Variants in PCDH11X observed in about 807,000 individuals in gnomAD.
The protein encoded by PCDH11X is protocadherin-11 X-linked.
A neutral mutation model predicts 53.3 loss-of-function variants in PCDH11X; 18 were observed. The observed-to-expected ratio is 0.34, with a 90% CI of 0.23 to 0.50. The LOEUF (loss-of-function observed/expected upper bound fraction) is 0.50. Ranked by LOEUF, PCDH11X falls within the 20% of genes least tolerant of loss-of-function variation. PCDH11X has a pLI of 0.98. For missense variants in PCDH11X, 570 were observed against 1,032.4 expected (o/e 0.55, Z 6.14); for synonymous variants, 279 against 393.3 (o/e 0.71, Z 3.44).
In PCDH11X at chrX:92,622,439, G is replaced by A. The variant is rs1042073772; in HGVS notation, c.*3499G>A. Reference sequence around the variant, plus strand: ...TTTTTCATGGTATTACTGAAGGTGTGTATACTCCCTAATACACATTTATGA... The same window carrying A: ...TTTTTCATGGTATTACTGAAGGTGTATATACTCCCTAATACACATTTATGA... On this transcript the variant is annotated 3_prime_UTR_variant, in exon 11 of 11. Transcript: ENST00000682573. 32 of 110,646 alleles carry A rather than the reference G, an allele frequency of 2.9e-4. No homozygotes were observed. The highest frequency in any genetic ancestry group is 2.8e-3 in the Admixed American group (29 of 10,293). The allele number at this position is 110,646 out of a possible 1,213,427, so 9.1% of individuals were successfully genotyped here.
At chrX:92,573,876 C>T (rs1385801558) in intron 10 of PCDH11X, among the ~76,000 whole-genome samples, 1 of 109,842 alleles carries the variant, frequency 9.1e-6, no homozygotes, top group Non-Finnish European at 1.9e-5. Flanking sequence ...CCCTATTCCA[C>T]AGAGAAAACT....
At chrX:92,053,537 A>C (rs905745723) in intron 6 of PCDH11X, among the ~76,000 whole-genome samples, 6 of 104,817 alleles carry the variant, frequency 5.7e-5, no homozygotes, top group African/African-American at 2.1e-4. Context: ...AAATAAGGAA[A>C]ATAAAGAGCA....
At chrX:92,507,248 C>A (rs1220459117) in intron 10 of PCDH11X, among the ~76,000 whole-genome samples, 1 of 110,466 alleles carries the variant, frequency 9.1e-6, no homozygotes, top group Non-Finnish European at 1.9e-5. Context: ...TTTTAGTTAT[C>A]TTTTGTCTTC....
chrX:92,231,327 G>T (rs1026534044), intron 7 of PCDH11X, among the ~76,000 whole-genome samples: 5 of 111,423 alleles, frequency 4.5e-5, no homozygotes, highest in African/African-American at 1.6e-4. Context: ...AAAAACTTCA[G>T]CCATTTAAAA....
chrX:92,140,916 T>A (rs970952466), intron 6 of PCDH11X, among the ~76,000 whole-genome samples: 1 of 111,839 alleles, frequency 8.9e-6, no homozygotes, highest in Non-Finnish European at 1.9e-5. Flanking sequence ...TAGTTACAGA[T>A]AAAAGTTGAC....
intron 4 of PCDH11X, among the ~76,000 whole-genome samples, chrX:91,819,647 C>CT (rs770373562): frequency 1.1e-3 from 117 of 105,206 alleles, no homozygotes; most frequent in East Asian, 7.5e-3. Flanking sequence ...TTTTTCCTTT[C>CT]TTTTTTTTAT....
chrX:91,917,451 G>A (rs1177467910), intron 6 of PCDH11X, among the ~76,000 whole-genome samples: 3 of 91,769 alleles, frequency 3.3e-5, no homozygotes, highest in African/African-American at 7.8e-5. Context: ...TTTTATAAAC[G>A]AATTCAGTAA....
At chrX:91,897,243 T>C (rs1288456301) in intron 6 of PCDH11X, among the ~76,000 whole-genome samples, 1 of 93,902 alleles carries the variant, frequency 1.1e-5, no homozygotes. Flanking sequence ...TCTGCAGATA[T>C]TGTGTTGCAA....
chrX:91,925,121 G>C (rs1346456128), intron 6 of PCDH11X, among the ~76,000 whole-genome samples: 1 of 110,261 alleles, frequency 9.1e-6, no homozygotes, highest in Non-Finnish European at 1.9e-5. Flanking sequence ...TAAACCCACA[G>C]TAAATTAAAA....
chrX:92,387,509 C>G (rs2071035071), intron 8 of PCDH11X: 1 of 333,421 alleles, frequency 3.0e-6, no homozygotes, highest in South Asian at 1.5e-4. Flanking sequence ...CATTCTGCAT[C>G]TGGCTGTGCC....
chrX:92,312,234 CT>C (rs2148482765), intron 8 of PCDH11X, among the ~76,000 whole-genome samples: 1 of 110,628 alleles, frequency 9.0e-6, no homozygotes, highest in East Asian at 2.8e-4. Flanking sequence ...AGTTGATTAC[CT>C]TTTAAAAATG....
At chrX:91,845,025 G>A (rs2524464) in intron 5 of PCDH11X, among the ~76,000 whole-genome samples, 2 of 111,643 alleles carry the variant, frequency 1.8e-5, no homozygotes, top group African/African-American at 3.2e-5. Context: ...AGAAGTTTAA[G>A]ACTTTATGGA....
chrX:91,931,225 G>T (rs1158120572), intron 6 of PCDH11X, among the ~76,000 whole-genome samples: 1 of 109,648 alleles, frequency 9.1e-6, no homozygotes, highest in Non-Finnish European at 1.9e-5. Context: ...TGACTTGAAA[G>T]AAAACCTTTT....
At chrX:92,120,755 T>C (rs1474458301) in intron 6 of PCDH11X, among the ~76,000 whole-genome samples, 1 of 111,905 alleles carries the variant, frequency 8.9e-6, no homozygotes, top group Non-Finnish European at 1.9e-5. Context: ...ACTGCAATAG[T>C]AGCTGACAGT....
chrX:91,805,481 T>C (rs1409976941), intron 1 of PCDH11X, among the ~76,000 whole-genome samples: 1 of 111,059 alleles, frequency 9.0e-6, no homozygotes. Flanking sequence ...TTCACAATAG[T>C]GTTTACCAGT....
intron 9 of PCDH11X, among the ~76,000 whole-genome samples, chrX:92,431,242 G>A (rs900331161): frequency 1.1e-3 from 122 of 110,598 alleles, no homozygotes; most frequent in Non-Finnish European, 2.0e-3. Flanking sequence ...TTGTGTGGTA[G>A]TAGTAATACA....
rs1438935606 is a variant in PCDH11X at position 92,303,002 on chromosome X, A to C, written c.3144+39859A>C. On this transcript the variant is annotated intron_variant, in intron 8 of 10. Transcript: ENST00000682573. The stretch of plus-strand genomic sequence containing the variant: ...GCTAGTGGAATACATAAGGAGAGAA[A>C]CAAACTCGAAGCAGAATGTAATTAC... Among the ~76,000 whole-genome samples the C allele has an allele frequency of 2.2e-3, 231 of 107,422 alleles. 2 individuals carry two copies. Among genetic ancestry groups the C allele is most frequent in the African/African-American group, 7.5e-3 (221 of 29,655 alleles). 93.3% of individuals were successfully genotyped at this position (107,422 alleles called of 115,157 possible). A position where few individuals can be genotyped will look rare whatever the true frequency, so the allele number is the denominator to read the frequency against.
At chrX:92,015,684 A>C (rs1206562060) in intron 6 of PCDH11X, among the ~76,000 whole-genome samples, 1 of 111,932 alleles carries the variant, frequency 8.9e-6, no homozygotes. Flanking sequence ...CTCCACTTGT[A>C]AGTCTAGTTC....
intron 10 of PCDH11X, among the ~76,000 whole-genome samples, chrX:92,547,525 C>G (rs1202924932): frequency 9.1e-6 from 1 of 109,403 alleles, no homozygotes; most frequent in East Asian, 2.9e-4. Flanking sequence ...TTCTCCCTCT[C>G]TCTCCCTCCC....
Sources: allele counts gnomAD v4.1 joint callset (sites outside exome capture counted in the v4.1 genomes callset), GRCh38; gene constraint gnomAD v4.1.1; transcripts MANE v1.5; gene names NCBI Gene and HGNC (gene_info 2026-07-23, HGNC 2026-07-21).